The following PRKDC variants were observed in gnomAD, a reference collection of about 807,000 sequenced individuals.
PRKDC encodes DNA-dependent protein kinase catalytic subunit.
A neutral mutation model predicts 486.9 loss-of-function variants in PRKDC; 82 were observed. The observed-to-expected ratio is 0.17, with a 90% CI of 0.14 to 0.20. The LOEUF (loss-of-function observed/expected upper bound fraction) is 0.20. Ranked by LOEUF, PRKDC falls within the 10% of genes least tolerant of loss-of-function variation. The probability of loss-of-function intolerance (pLI) is 1.00; values close to 1 mark genes in which losing one functional copy is unlikely to be tolerated. For missense variants in PRKDC, 4,504 were observed against 5,038.2 expected (o/e 0.89, Z 3.21); for synonymous variants, 1,895 against 1,837.0 (o/e 1.03, Z -0.81).
chr8:47,783,640 A>G lies in PRKDC; in HGVS notation c.11175+102T>C, dbSNP rs190621254. On this transcript the variant is annotated intron_variant, in intron 78 of 85. Transcript: ENST00000314191. ...ATATGCTAAACTTGATATATCTGTG[A>G]TCAACATGGGCCGTTGTCTCATATA... is the stretch of plus-strand genomic sequence containing the variant. 4.5e-6 allele frequency: 5 copies of G among 1,118,468 alleles called. No homozygotes were observed. In the East Asian group the frequency reaches 1.2e-4, roughly 27 times the overall value. 69.3% of individuals were successfully genotyped at this position (1,118,468 alleles called of 1,614,324 possible).
chr8:47,779,313 G>C (rs1029398344), intron 80 of PRKDC: 165 of 417,230 alleles, frequency 4.0e-4, no homozygotes, highest in African/African-American at 3.2e-3. Flanking sequence ...AGAAATCCAA[G>C]CTATTGCCTA....
chr8:47,821,827 A>G, intron 64 of PRKDC, 35 bp from the exon 65 acceptor site: 1 of 1,490,222 alleles, frequency 6.7e-7, no homozygotes, highest in Non-Finnish European at 8.9e-7. Flanking sequence ...TATTTTACAA[A>G]GTTGGAAAGA....
chr8:47,904,598 C>G (rs1322713020), intron 26 of PRKDC, among the ~76,000 whole-genome samples: 2 of 152,158 alleles, frequency 1.3e-5, no homozygotes. Context: ...CTAAGACCAG[C>G]CTGGCCAACA....
chr8:47,956,165 C>T (rs1171162088), intron 3 of PRKDC, among the ~76,000 whole-genome samples: 1 of 152,112 alleles, frequency 6.6e-6, no homozygotes, highest in African/African-American at 2.4e-5. Flanking sequence ...AGTTCGAGAC[C>T]AGCCTGGCCA....
intron 19 of PRKDC, among the ~76,000 whole-genome samples, chr8:47,928,154 CTT>C (rs375267637): frequency 8.4e-5 from 11 of 130,952 alleles, no homozygotes; most frequent in Admixed American, 7.7e-5. Context: ...GCTTGAGGGA[CTT>C]TTTTTTTTTT....
At chr8:47,802,713 C>T (rs1161449823) in intron 70 of PRKDC, among the ~76,000 whole-genome samples, 1 of 151,580 alleles carries the variant, frequency 6.6e-6, no homozygotes, top group Non-Finnish European at 1.5e-5. Flanking sequence ...AGTGCAGTGG[C>T]GTGATCTCAG....
intron 58 of PRKDC, 62 bp from the exon 59 acceptor site, chr8:47,834,458 GACCA>G: frequency 6.4e-7 from 1 of 1,555,390 alleles, no homozygotes; most frequent in Non-Finnish European, 8.8e-7. Context: ...CACGGGGCAG[GACCA>G]CCTGCCAGGA....
intron 27 of PRKDC, among the ~76,000 whole-genome samples, chr8:47,901,892 C>T (rs2089690917): frequency 6.6e-6 from 1 of 152,176 alleles, no homozygotes; most frequent in Non-Finnish European, 1.5e-5. Flanking sequence ...GACCACTTGT[C>T]TTTTACCTTG....
intron 39 of PRKDC, among the ~76,000 whole-genome samples, chr8:47,878,441 C>T (rs149064616): frequency 8.5e-5 from 13 of 152,262 alleles, no homozygotes; most frequent in African/African-American, 2.6e-4. Flanking sequence ...CTACTCTTCT[C>T]TGCATCTCAG....
chr8:47,855,267 T>C lies in PRKDC; in HGVS notation c.6716A>G (p.Lys2239Arg), dbSNP rs2088508737. 1 of 1,604,822 alleles carries C rather than the reference T, an allele frequency of 6.2e-7. No individual in the cohort carries two copies. The highest frequency in any genetic ancestry group is 1.3e-5 in the African/African-American group (1 of 74,924). Residue 2239 changes from lysine (K) to arginine (R), a missense_variant, in exon 50 of 86, where the codon AAG (lysine) becomes AGG (arginine). Lys to Arg is a conservative substitution (Grantham distance 26, BLOSUM62 2). Transcript: ENST00000314191. Reference sequence around the variant, plus strand: ...ATCCTTCCAGCACTCGACAAGGGTCTTTATAATTTCAAGGTTGTGTCTAAA... The same window carrying C: ...ATCCTTCCAGCACTCGACAAGGGTCCTTATAATTTCAAGGTTGTGTCTAAA... ...AVFRHNLEII[K>R]TLVECWKDCL...
intron 7 of PRKDC, among the ~76,000 whole-genome samples, chr8:47,947,115 C>T (rs1367937839): frequency 6.6e-6 from 1 of 152,196 alleles, no homozygotes; most frequent in Non-Finnish European, 1.5e-5. Flanking sequence ...GACCCTCGGA[C>T]CACTGCACGC....
chr8:47,890,508 T>C, intron 31 of PRKDC, 28 bp from the exon 32 acceptor site: 1 of 1,461,578 alleles, frequency 6.8e-7, no homozygotes, highest in Non-Finnish European at 9.3e-7. Context: ...AAAGTATTAA[T>C]ATATGCTTCC....
In PRKDC at chr8:47,774,109, C is replaced by T. The variant is rs1258295698; in HGVS notation, c.*64G>A. ...GGAAAATCAGCTCATGGAATGCTGC[C>T]AACCAAAGTATAGTAGATTCTTTAA... is the stretch of plus-strand genomic sequence containing the variant. On this transcript the variant is annotated 3_prime_UTR_variant, in exon 86 of 86. Transcript: ENST00000314191. 2.7e-6 allele frequency: 4 copies of T among 1,457,824 alleles called. No individual in the cohort carries two copies. The African/African-American group carries it at 5.7e-5, about 21-fold the overall frequency. 90.3% of individuals were successfully genotyped at this position (1,457,824 alleles called of 1,614,324 possible). A position where few individuals can be genotyped will look rare whatever the true frequency, so the allele number is the denominator to read the frequency against.
At chr8:47,935,590 G>T in intron 13 of PRKDC, 142 bp downstream of exon 13, 1 of 716,498 alleles carries the variant, frequency 1.4e-6, no homozygotes, top group Non-Finnish European at 2.2e-6. Context: ...AAAAGGAAAA[G>T]ATTTTGGTCT....
intron 40 of PRKDC, among the ~76,000 whole-genome samples, chr8:47,877,146 G>T (rs967122523): frequency 6.6e-6 from 1 of 152,186 alleles, no homozygotes. Flanking sequence ...CATTATACAG[G>T]ACAAGTGTCC....
chr8:47,861,301 TTATGA>T (rs1297882984), intron 44 of PRKDC, among the ~76,000 whole-genome samples: 1 of 152,248 alleles, frequency 6.6e-6, no homozygotes, highest in African/African-American at 2.4e-5. Context: ...TCAAATCTAG[TTATGA>T]TATATCATAG....
chr8:47,850,271 C>A (rs1175331247), intron 52 of PRKDC, among the ~76,000 whole-genome samples: 1 of 152,340 alleles, frequency 6.6e-6, no homozygotes, highest in African/African-American at 2.4e-5. Context: ...CAAAGGCACA[C>A]AGACCGAACA....
At chr8:47,889,348 A>G (rs1241306732) in intron 32 of PRKDC, 126 bp from the exon 33 acceptor site, 1 of 742,466 alleles carries the variant, frequency 1.3e-6, no homozygotes, top group Non-Finnish European at 2.1e-6. Context: ...TTCTCTGTAA[A>G]ACGGGGGCAC....
intron 30 of PRKDC, among the ~76,000 whole-genome samples, chr8:47,893,878 T>C (rs1010196201): frequency 6.6e-6 from 1 of 152,220 alleles, no homozygotes; most frequent in Non-Finnish European, 1.5e-5. Flanking sequence ...ATTAAAAAGA[T>C]AAATACATAA....
Sources: allele counts gnomAD v4.1 joint callset (sites outside exome capture counted in the v4.1 genomes callset), GRCh38; gene constraint gnomAD v4.1.1; transcripts MANE v1.5; gene names NCBI Gene and HGNC (gene_info 2026-07-23, HGNC 2026-07-21).